PCDHA10: variants seen among roughly 807,000 people sequenced by gnomAD.
PCDHA10 encodes protocadherin alpha 10.
A neutral mutation model predicts 61.2 loss-of-function variants in PCDHA10; 45 were observed. That is an observed-to-expected ratio of 0.74 (90% CI 0.58 to 0.94). PCDHA10 has a LOEUF of 0.94. Ranked by LOEUF, PCDHA10 falls within the 40% of genes least tolerant of loss-of-function variation. PCDHA10 has a pLI of 0.00. For missense variants in PCDHA10, 1,278 were observed against 1,236.2 expected (o/e 1.03, Z -0.51); for synonymous variants, 602 against 548.8 (o/e 1.10, Z -1.35).
chr5:140,995,047 C>G (rs1174630120), intron 3 of PCDHA10, among the ~76,000 whole-genome samples: 2 of 152,158 alleles, frequency 1.3e-5, no homozygotes, highest in Admixed American at 1.3e-4. Context: ...CTTAACTCTA[C>G]TGAATTTTCA....
chr5:140,969,354 T>G, intron 1 of PCDHA10: 1 of 1,612,552 alleles, frequency 6.2e-7, no homozygotes. Context: ...TCAGGGGGTC[T>G]TCTACAAACT....
intron 1 of PCDHA10, among the ~76,000 whole-genome samples, chr5:140,947,600 G>A (rs1328645188): frequency 1.3e-5 from 2 of 151,624 alleles, no homozygotes; most frequent in African/African-American, 4.8e-5. Flanking sequence ...ATTTAGGGAA[G>A]ATTTGGTATC....
intron 3 of PCDHA10, among the ~76,000 whole-genome samples, chr5:140,997,668 T>TTGTGTG (rs35184029): frequency 3.8e-4 from 56 of 148,342 alleles, no homozygotes; most frequent in African/African-American, 8.5e-4. Context: ...ATTATACAGC[T>TTGTGTG]TGTGTGTGTG....
At chr5:140,998,754 C>T (rs2097832847) in intron 3 of PCDHA10, among the ~76,000 whole-genome samples, 1 of 152,056 alleles carries the variant, frequency 6.6e-6, no homozygotes, top group African/African-American at 2.4e-5. Context: ...AGAAGAGACA[C>T]AGTTTCACTA....
At chr5:140,983,767 A>C (rs550605597) in intron 3 of PCDHA10, among the ~76,000 whole-genome samples, 23 of 152,326 alleles carry the variant, frequency 1.5e-4, no homozygotes, top group African/African-American at 5.3e-4. Context: ...TCAAATACAT[A>C]TCTACATACA....
chr5:140,871,287 G>C (rs782751803), intron 1 of PCDHA10: 2 of 1,613,932 alleles, frequency 1.2e-6, no homozygotes, highest in Middle Eastern at 1.7e-4. Context: ...CGCCCACTGA[G>C]GGCGCGTGCG....
At chr5:141,000,391 CTCTCTA>C (rs1434799221) in intron 3 of PCDHA10, among the ~76,000 whole-genome samples, 1,083 of 55,870 alleles carry the variant, frequency 0.019, 5 homozygotes, top group Non-Finnish European at 0.023. Context: ...CTCTCTCTCT[CTCTCTA>C]TATATATATA....
rs531996502 is a variant in PCDHA10, at chr5:140,944,251, G to A, written c.2389-34698G>A. Among the ~76,000 whole-genome samples the A allele has an allele frequency of 2.2e-4, 33 of 152,302 alleles. No individual in the cohort carries two copies. In the South Asian group the frequency reaches 6.8e-3, roughly 32 times the overall value. On this transcript the variant is annotated intron_variant, in intron 1 of 3. Transcript: ENST00000307360. ...CGCTCAGGCTGGAGTGCAGTGATGT[G>A]ATCACTGCTCACTGCAGCCTTGACA...
chr5:140,961,114 A>G (rs2095591473), intron 1 of PCDHA10, among the ~76,000 whole-genome samples: 1 of 152,212 alleles, frequency 6.6e-6, no homozygotes, highest in African/African-American at 2.4e-5. Flanking sequence ...ACCCCCTTGC[A>G]TCTTAATGTC....
chr5:140,879,425 T>G (rs547741272), intron 1 of PCDHA10, among the ~76,000 whole-genome samples: 1 of 152,320 alleles, frequency 6.6e-6, no homozygotes, highest in East Asian at 1.9e-4. Flanking sequence ...GGAATGGAGA[T>G]GAACATTTAA....
At position 140,973,488 on chromosome 5, in the gene PCDHA10, G is replaced by A. The variant is rs186493160; in HGVS notation, c.2389-5461G>A. Reference sequence around the variant, plus strand: ...GTTTGCAAATTTCATATTGGTCACAGGACTCTTCTTCTGAGAAAAAGTTTA... The same window carrying A: ...GTTTGCAAATTTCATATTGGTCACAAGACTCTTCTTCTGAGAAAAAGTTTA... On this transcript the variant is annotated intron_variant, in intron 1 of 3. Coordinates refer to ENST00000307360, the MANE Select transcript of PCDHA10 (RefSeq NM_018901.4). Among the ~76,000 whole-genome samples, 7 of 152,228 alleles carry A rather than the reference G, an allele frequency of 4.6e-5. No homozygotes were observed. The East Asian group carries it at 1.3e-3, about 29-fold the overall frequency.
At chr5:140,861,509 G>T in intron 1 of PCDHA10, 1 of 479,910 alleles carries the variant, frequency 2.1e-6, no homozygotes, top group Non-Finnish European at 4.3e-6. Context: ...ACCTCGAGGA[G>T]CTGTGTGGGA....
chr5:140,897,255 C>A (rs890766563), intron 1 of PCDHA10, among the ~76,000 whole-genome samples: 2 of 151,828 alleles, frequency 1.3e-5, no homozygotes, highest in Admixed American at 1.3e-4. Flanking sequence ...CATATGTATA[C>A]ATGTGCCATG....
intron 1 of PCDHA10, chr5:140,927,619 C>G: frequency 6.2e-7 from 1 of 1,614,170 alleles, no homozygotes; most frequent in Non-Finnish European, 8.5e-7. Flanking sequence ...CACCAAGGTT[C>G]CAGAGACTGC....
rs183950754 is a variant in PCDHA10, at chr5:140,960,187, T to G, written c.2389-18762T>G. On this transcript the variant is annotated intron_variant, in intron 1 of 3. Coordinates refer to ENST00000307360, the MANE Select transcript of PCDHA10 (RefSeq NM_018901.4). ...CAATTCTTAAGTTAGGGGTTGCATG[T>G]GTAGTGGTCAGATGTTATTTCAGGA... 3.5e-3 allele frequency among the ~76,000 whole-genome samples: 529 copies of G among 152,196 alleles called. 22 individuals are homozygous for G. Among genetic ancestry groups the G allele is most frequent in the Admixed American group, 0.032 (493 of 15,274 alleles).
rs782497691 is a variant in PCDHA10 at position 140,856,769 on chromosome 5, T to C, written c.721T>C (p.Phe241Leu). The change falls in exon 1 of 4, where the codon TTT becomes CTT. Residue 241 changes from phenylalanine (F) to leucine (L), a missense_variant. Physicochemically the swap from Phe to Leu is conservative, Grantham distance 22 (BLOSUM62 0). Transcript: ENST00000307360. Reference protein sequence around the residue: ...VLDANDNAPIFDRPVYEVKMY... With the variant: ...VLDANDNAPILDRPVYEVKMY... ...AGATGCCAATGATAACGCCCCTATC[T>C]TTGACAGACCGGTTTATGAAGTTAA... is the stretch of plus-strand genomic sequence containing the variant. 1.8e-5 allele frequency: 28 copies of C among 1,596,572 alleles called. 4 individuals carry two copies. The highest frequency in any genetic ancestry group is 2.4e-5 in the Non-Finnish European group (28 of 1,166,742).
intron 3 of PCDHA10, among the ~76,000 whole-genome samples, chr5:140,997,018 A>G (rs1403831704): frequency 6.6e-6 from 1 of 151,882 alleles, no homozygotes; most frequent in African/African-American, 2.4e-5. Flanking sequence ...ATCCTCCAAT[A>G]TTTTTTTGAA....
chr5:140,922,643 C>T (rs1554200906), intron 1 of PCDHA10, among the ~76,000 whole-genome samples: 3 of 152,192 alleles, frequency 2.0e-5, no homozygotes, highest in African/African-American at 7.2e-5. Flanking sequence ...CTCCATCAAA[C>T]AGTAAATATG....
intron 1 of PCDHA10, chr5:140,869,581 G>A: frequency 1.9e-6 from 3 of 1,614,134 alleles, no homozygotes; most frequent in East Asian, 2.2e-5. Flanking sequence ...AGCTTCTGAT[G>A]CTGACATTGA....
Sources: allele counts gnomAD v4.1 joint callset (sites outside exome capture counted in the v4.1 genomes callset), GRCh38; gene constraint gnomAD v4.1.1; transcripts MANE v1.5; gene names NCBI Gene and HGNC (gene_info 2026-07-23, HGNC 2026-07-21).